TCHH: variants seen among roughly 807,000 people sequenced by gnomAD.
TCHH encodes trichohyalin.
Under a neutral mutation model 6.3 loss-of-function variants are expected in TCHH, and 6 were observed. The ratio of observed to expected loss-of-function variants is 0.95; its 90% CI spans 0.52 to 1.88. The LOEUF is 1.88. Among genes scored for constraint, TCHH ranks in the 40% most tolerant of loss-of-function variants. The pLI is 0.01. For missense variants in TCHH, 2,920 were observed against 2,449.1 expected (o/e 1.19, Z -4.06); for synonymous variants, 1,087 against 963.6 (o/e 1.13, Z -2.37).
intron 2 of TCHH, among the ~76,000 whole-genome samples, chr1:152,113,507 G>T (rs763661603): frequency 6.6e-6 from 1 of 152,220 alleles, no homozygotes; most frequent in East Asian, 1.9e-4. Flanking sequence ...AGATACAATA[G>T]AAATTTATGA....
chr1:152,114,187 G>T, intron 1 of TCHH, 76 bp from the exon 2 acceptor site: 1 of 1,036,604 alleles, frequency 9.6e-7, no homozygotes, highest in East Asian at 2.7e-5. Flanking sequence ...ACTATTTCAG[G>T]CAGATCCCTA....
rs745489145 is a variant in TCHH at position 152,107,945 on chromosome 1, C to T, written c.5272G>A (p.Glu1758Lys). Residue 1758 changes from glutamate (E) to lysine (K), a missense_variant, in exon 3 of 3, where the codon GAA (glutamate) becomes AAA (lysine). Physicochemically the swap from Glu to Lys is moderately conservative, Grantham distance 56. Coordinates refer to ENST00000614923, the MANE Select transcript of TCHH (RefSeq NM_007113.4). ...CGGCGCAGCTGCTGTTCTTCCCTTTCCGGACGGAGCTGCTCTTCCTCTAGG... is the reference window on the plus strand; with the variant it reads ...CGGCGCAGCTGCTGTTCTTCCCTTTTCGGACGGAGCTGCTCTTCCTCTAGG... ...KILEEEQLRP[E>K]REEQQLRRQE... The T allele has an allele frequency of 5.6e-6, 9 of 1,605,350 alleles. No individual in the cohort carries two copies. The highest frequency in any genetic ancestry group is 7.6e-6 in the Non-Finnish European group (9 of 1,176,574).
chr1:152,108,111 ACGG>A lies in TCHH; in HGVS notation c.5103_5105del (p.Arg1702del). The A allele has an allele frequency of 6.4e-7, 1 of 1,560,956 alleles. No homozygotes were observed. The stretch of plus-strand genomic sequence containing the variant: ...GGAGGAATTTTCTCTCTCGTTCCTG[ACGG>A]CGGAGCTGCTGTTCCTCTTCGCGGA... On this transcript the variant is annotated inframe_deletion, in exon 3 of 3. Transcript: ENST00000614923.
chr1:152,108,797 C>G lies in TCHH; in HGVS notation c.4420G>C (p.Glu1474Gln), dbSNP rs775323855. Residue 1474 changes from glutamate to glutamine, a missense_variant, in exon 3 of 3, where the codon GAA becomes CAA. Transcript: ENST00000614923. The part of the protein sequence containing the change: ...REEEQLLQER[E>Q]EQQLHRQERD... ...TCTTGGCGGTGCAGCTGCTGTTCTTCCCTTTCCTGGAGCAGCTGTTCCTCT... is the reference window on the plus strand; with the variant it reads ...TCTTGGCGGTGCAGCTGCTGTTCTTGCCTTTCCTGGAGCAGCTGTTCCTCT... The G allele has an allele frequency of 9.9e-6, 16 of 1,613,248 alleles. No homozygotes were observed. In the South Asian group the frequency reaches 1.4e-4, roughly 14 times the overall value.
In TCHH at chr1:152,110,474, T is replaced by A. The variant is rs1276887022; in HGVS notation, c.2743A>T (p.Arg915Ter). 1.1e-5 allele frequency: 18 copies of A among 1,614,010 alleles called. No individual in the cohort carries two copies. Among genetic ancestry groups the A allele is most frequent in the African/African-American group, 1.3e-5 (1 of 74,908 alleles). The part of the protein sequence containing the change: ...LLQEEEEELQ[R>*]EEREKRRRQE... Reference sequence around the variant, plus strand: ...CGCCTTCTCTTCTCGCGCTCCTCTCTCTGTAGCTCCTCCTCCTCCTCCTGC... The same window carrying A: ...CGCCTTCTCTTCTCGCGCTCCTCTCACTGTAGCTCCTCCTCCTCCTCCTGC... The change falls in exon 3 of 3, where the codon AGA becomes TGA. Residue 915 changes from arginine (R) to a stop codon, truncating the protein, a stop_gained. Coordinates refer to ENST00000614923, the MANE Select transcript of TCHH (RefSeq NM_007113.4). LOFTEE classifies it low-confidence loss of function (END_TRUNC).
Position 152,110,620 on chromosome 1 carries a change from TG to T in TCHH, c.2596del (p.Gln866ArgfsTer13). The T allele has an allele frequency of 1.2e-6, 2 of 1,614,212 alleles. No individual in the cohort carries two copies. Among genetic ancestry groups the T allele is most frequent in the Non-Finnish European group, 1.7e-6 (2 of 1,180,038 alleles). ...LQEDQERRRS[Q>X]EQRRDQKWRW... is the part of the protein sequence containing the mutation. ...CCATTTTTGGTCGCGGCGCTGCTCC[TG>T]GCTTCGCCTCCTCTCCTGATCCTCC... On this transcript the variant is annotated frameshift_variant, in exon 3 of 3. Coordinates refer to ENST00000614923, the MANE Select transcript of TCHH (RefSeq NM_007113.4). LOFTEE classifies it low-confidence loss of function (END_TRUNC).
Position 152,107,704 on chromosome 1 carries a change from C to T in TCHH, c.5513G>A (p.Arg1838Gln). 6.2e-7 allele frequency: 1 copy of T among 1,614,208 alleles called. No individual in the cohort carries two copies. The highest frequency in any genetic ancestry group is 8.5e-7 in the Non-Finnish European group (1 of 1,180,054). The change falls in exon 3 of 3, where the codon CGG becomes CAG. Residue 1838 changes from arginine to glutamine, a missense_variant. Arg to Gln is a conservative substitution (Grantham distance 43). Transcript: ENST00000614923. The part of the protein sequence containing the change: ...LQLEEQEQRL[R>Q]QERDRQYRAE... The stretch of plus-strand genomic sequence containing the variant: ...CCGGTACTGCCGGTCTCGCTCCTGC[C>T]GCAGCCTCTGCTCTTGTTCCTCAAG...
In TCHH at chr1:152,114,112, C is replaced by T; in HGVS notation, c.-31-1G>A. ...TTCTTTCCTTCAAGTTCAAGTAAAC[C>T]TAGAACAATAAAATAAGATCCAGAA... is the stretch of plus-strand genomic sequence containing the variant. On this transcript the variant is annotated splice_acceptor_variant, in intron 1 of 2. Transcript: ENST00000614923. LOFTEE classifies it low-confidence loss of function (5UTR_SPLICE). 1 of 1,573,624 alleles carries T rather than the reference C, an allele frequency of 6.4e-7. No individual in the cohort carries two copies. The highest frequency in any genetic ancestry group is 8.6e-7 in the Non-Finnish European group (1 of 1,166,026).
intron 1 of TCHH, among the ~76,000 whole-genome samples, chr1:152,114,951 A>G (rs1300855644): frequency 1.3e-5 from 2 of 152,212 alleles, no homozygotes; most frequent in African/African-American, 4.8e-5. Context: ...ATAAGAATAC[A>G]TGGAATGGCT....
rs1658322774 is a variant in TCHH, at chr1:152,111,035, C to T, written c.2182G>A (p.Gly728Arg). The T allele has an allele frequency of 1.2e-6, 2 of 1,613,608 alleles. No homozygotes were observed. Among genetic ancestry groups the T allele is most frequent in the Admixed American group, 1.7e-5 (1 of 60,028 alleles). Residue 728 changes from glycine to arginine, a missense_variant, in exon 3 of 3, where the codon GGG (glycine) becomes AGG (arginine). Physicochemically the swap from Gly to Arg is moderately radical, Grantham distance 125 (BLOSUM62 -2). Transcript: ENST00000614923. ...KVYSRPRKQE[G>R]QRRRQEQEEK... is the part of the protein sequence containing the mutation. ...TCCTGCTCTTGGCGGCGCCTCTGCC[C>T]TTCCTGCTTGCGGGGCCTCGAGTAG...
At position 152,114,079 on chromosome 1, in the gene TCHH, ATTTT is replaced by A; in HGVS notation, c.-3_1del. The A allele has an allele frequency of 6.3e-7, 1 of 1,587,162 alleles. No individual in the cohort carries two copies. Among genetic ancestry groups the A allele is most frequent in the Non-Finnish European group, 8.6e-7 (1 of 1,168,858 alleles). The stretch of plus-strand genomic sequence containing the variant: ...ACAGATGCTTCTCAGAAGTGGAGAC[ATTTT>A]TTTTTCTTTCCTTCAAGTTCAAGTA... On this transcript the variant is annotated start_lost and start_retained_variant and 5_prime_UTR_variant, in exon 2 of 3. Transcript: ENST00000614923.
In TCHH at chr1:152,112,979, T is replaced by C. The variant is rs756094527; in HGVS notation, c.238A>G (p.Lys80Glu). 6.2e-7 allele frequency: 1 copy of C among 1,614,026 alleles called. No individual in the cohort carries two copies. Among genetic ancestry groups the C allele is most frequent in the South Asian group, 1.1e-5 (1 of 91,060 alleles). ...GCATAGTAACAAGCTTGAGCCACTT[T>C]GAAAATAAATAGGAGGAATTCGTTG... The part of the protein sequence containing the change: ...DFNEFLLFIF[K>E]VAQACYYALG... Residue 80 changes from lysine to glutamate, a missense_variant, in exon 3 of 3, where the codon AAA becomes GAA. Lys to Glu is a moderately conservative substitution (Grantham distance 56, BLOSUM62 1). Coordinates refer to ENST00000614923, the MANE Select transcript of TCHH (RefSeq NM_007113.4).
rs925205539 is a variant in TCHH, at chr1:152,107,271, A to G, written c.*114T>C. On this transcript the variant is annotated 3_prime_UTR_variant, in exon 3 of 3. Coordinates refer to ENST00000614923, the MANE Select transcript of TCHH (RefSeq NM_007113.4). Reference sequence around the variant, plus strand: ...AGATTTTGGAAGAAAAGACATTCTAATATCAGAGAGTTTTCCCACAACCAG... The same window carrying G: ...AGATTTTGGAAGAAAAGACATTCTAGTATCAGAGAGTTTTCCCACAACCAG... 1.3e-5 allele frequency: 14 copies of G among 1,105,220 alleles called. No homozygotes were observed. In the African/African-American group the frequency reaches 2.2e-4, roughly 17 times the overall value. 68.5% of individuals were successfully genotyped at this position (1,105,220 alleles called of 1,614,324 possible).
At position 152,109,394 on chromosome 1, in the gene TCHH, GCTGTT is replaced by G. The variant is rs2101526581; in HGVS notation, c.3818_3822del (p.Glu1273AlafsTer6). ...CTCTCTTGCTCACGATCTCGCTCTTGCTGTTCACCCAGCAGGTGCTGCAGATCTTG... is the reference window on the plus strand; with the variant it reads ...CTCTCTTGCTCACGATCTCGCTCTTGCACCCAGCAGGTGCTGCAGATCTTG... On this transcript the variant is annotated frameshift_variant, in exon 3 of 3. Coordinates refer to ENST00000614923, the MANE Select transcript of TCHH (RefSeq NM_007113.4). LOFTEE classifies it low-confidence loss of function (END_TRUNC). 1.2e-6 allele frequency: 2 copies of G among 1,614,240 alleles called. No homozygotes were observed. Among genetic ancestry groups the G allele is most frequent in the East Asian group, 4.5e-5 (2 of 44,886 alleles).
At position 152,110,711 on chromosome 1, in the gene TCHH, C is replaced by G. The variant is rs752923088; in HGVS notation, c.2506G>C (p.Glu836Gln). The change falls in exon 3 of 3, where the codon GAA becomes CAA. Residue 836 changes from glutamate to glutamine, a missense_variant. Glu to Gln is a conservative substitution (Grantham distance 29). Transcript: ENST00000614923. ...EREKELQFLEEEEQLQRRERA... is the reference protein window; with the variant it reads ...EREKELQFLEQEEQLQRRERA... ...TCCCGCCGCTGGAGCTGCTCCTCTT[C>G]CTCCAGGAACTGCAGCTCTTTCTCC... The G allele has an allele frequency of 1.2e-5, 20 of 1,611,828 alleles. No individual in the cohort carries two copies. Among genetic ancestry groups the G allele is most frequent in the Non-Finnish European group, 1.6e-5 (19 of 1,179,988 alleles).
At position 152,107,344 on chromosome 1, in the gene TCHH, G is replaced by T; in HGVS notation, c.*41C>A. 4 of 1,502,570 alleles carry T rather than the reference G, an allele frequency of 2.7e-6. No homozygotes were observed. Among genetic ancestry groups the T allele is most frequent in the Non-Finnish European group, 3.6e-6 (4 of 1,123,600 alleles). The allele number at this position is 1,502,570 out of a possible 1,614,324, so 93.1% of individuals were successfully genotyped here. On this transcript the variant is annotated 3_prime_UTR_variant, in exon 3 of 3. Coordinates refer to ENST00000614923, the MANE Select transcript of TCHH (RefSeq NM_007113.4). ...TACCCAGTGTTTCTCATTTTCCCGT[G>T]CTCGAAGCTTTGGCAGGTGTCAAGA...
At position 152,111,693 on chromosome 1, in the gene TCHH, C is replaced by T. The variant is rs1658360808; in HGVS notation, c.1524G>A (p.Arg508=). ...EQQERREQQL[R]REQEERREQR... Reference sequence around the variant, plus strand: ...GCTCGCGCCTCTCCTCTTGCTCCCGCCTTAGTTGCTGCTCGCGCCTCTCCT... The same window carrying T: ...GCTCGCGCCTCTCCTCTTGCTCCCGTCTTAGTTGCTGCTCGCGCCTCTCCT... Residue 508 remains arginine, a synonymous_variant, in exon 3 of 3, where the codon AGG becomes AGA. Coordinates refer to ENST00000614923, the MANE Select transcript of TCHH (RefSeq NM_007113.4). The T allele has an allele frequency of 1.3e-6, 2 of 1,541,542 alleles. No homozygotes were observed. The highest frequency in any genetic ancestry group is 1.8e-6 in the Non-Finnish European group (2 of 1,125,946).
Position 152,112,984 on chromosome 1 carries a change from A to G in TCHH, c.233T>C (p.Ile78Thr). 1.2e-6 allele frequency: 2 copies of G among 1,613,878 alleles called. No homozygotes were observed. Among genetic ancestry groups the G allele is most frequent in the Non-Finnish European group, 1.7e-6 (2 of 1,179,812 alleles). The change falls in exon 3 of 3, where the codon ATT becomes ACT. Residue 78 changes from isoleucine to threonine, a missense_variant. Physicochemically the swap from Ile to Thr is moderately conservative, Grantham distance 89. Transcript: ENST00000614923. ...GTAACAAGCTTGAGCCACTTTGAAA[A>G]TAAATAGGAGGAATTCGTTGAAATC... Reference protein sequence around the residue: ...RVDFNEFLLFIFKVAQACYYA... With the variant: ...RVDFNEFLLFTFKVAQACYYA...
rs763804396 is a variant in TCHH at position 152,109,605 on chromosome 1, C to T, written c.3612G>A (p.Glu1204=). 9.9e-6 allele frequency: 16 copies of T among 1,614,106 alleles called. No homozygotes were observed. Among genetic ancestry groups the T allele is most frequent in the Middle Eastern group, 3.3e-4 (2 of 6,084 alleles). ...GCTGCTTCCTTTTCTGGCGCTGAAGCTCTTCCTCCTCCCGATACTGCCTCT... is the reference window on the plus strand; with the variant it reads ...GCTGCTTCCTTTTCTGGCGCTGAAGTTCTTCCTCCTCCCGATACTGCCTCT... ...ERERQYREEE[E]LQRQKRKQRY... is the part of the protein sequence containing the mutation. The change falls in exon 3 of 3, where the codon GAG becomes GAA. Residue 1204 remains glutamate, a synonymous_variant. Transcript: ENST00000614923.
Sources: gnomAD v4.1 joint callset for allele counts (sites outside exome capture counted in the v4.1 genomes callset) on GRCh38, gnomAD v4.1.1 for gene constraint, MANE v1.5 for transcripts, NCBI Gene and HGNC (gene_info 2026-07-23, HGNC 2026-07-21) for gene names.